Variants in MCTP2 observed in about 807,000 individuals in gnomAD.
The protein encoded by MCTP2 is multiple C2 and transmembrane domain containing 2.
MCTP2 carries 132 observed loss-of-function variants against 111.6 expected under a neutral mutation model. The ratio of observed to expected loss-of-function variants is 1.18; its 90% CI spans 1.03 to 1.37. The LOEUF (loss-of-function observed/expected upper bound fraction) is 1.37. Ranked by LOEUF, MCTP2 falls within the 40% of genes most tolerant of loss-of-function variation. MCTP2 has a pLI of 0.00. For synonymous variants in MCTP2, 395 were observed against 387.7 expected, an observed-to-expected ratio of 1.02 and a Z score of -0.22; for missense variants, 1,183 against 1,067.9, an observed-to-expected ratio of 1.11 and a Z score of -1.50.
chr15:94,244,804 A>T (rs1292344925), intron 1 of MCTP2, among the ~76,000 whole-genome samples: 1 of 147,838 alleles, frequency 6.8e-6, no homozygotes, highest in Non-Finnish European at 1.5e-5. Flanking sequence ...GTATGTTTAT[A>T]TACGTATATG....
chr15:94,460,103 A>G (rs1484951182), intron 20 of MCTP2, among the ~76,000 whole-genome samples: 2 of 152,234 alleles, frequency 1.3e-5, no homozygotes, highest in Non-Finnish European at 2.9e-5. Context: ...TATTTCAATG[A>G]GGGAGAAACA....
intron 17 of MCTP2, among the ~76,000 whole-genome samples, chr15:94,432,020 A>G (rs116789324): frequency 0.023 from 3,566 of 152,254 alleles, 141 homozygotes; most frequent in African/African-American, 0.081. Context: ...AGTACTTTTC[A>G]GATGAACCAG....
rs532617593 is a variant in MCTP2 at position 94,244,339 on chromosome 15, C to T, written c.-66+12675C>T. On this transcript the variant is annotated intron_variant, in intron 1 of 22. Transcript: ENST00000357742. ...ATATGTATACACATGTATATATACACGTATACGTATACACATACATATGTA... is the reference window on the plus strand; with the variant it reads ...ATATGTATACACATGTATATATACATGTATACGTATACACATACATATGTA... Among the ~76,000 whole-genome samples the T allele has an allele frequency of 6.8e-5, 10 of 146,446 alleles. No individual in the cohort carries two copies. The South Asian group carries it at 8.5e-4, about 12-fold the overall frequency.
chr15:94,405,291 T>C (rs1213382539), intron 17 of MCTP2, among the ~76,000 whole-genome samples: 1 of 152,230 alleles, frequency 6.6e-6, no homozygotes. Flanking sequence ...TTCTAGACTC[T>C]AGCTCCAGGT....
chr15:94,430,578 A>C (rs1423129335), intron 17 of MCTP2, among the ~76,000 whole-genome samples: 1 of 3,972 alleles, frequency 2.5e-4, no homozygotes, highest in Admixed American at 3.2e-3. Context: ...CTAAAAATAC[A>C]AAAAAAAAAA....
chr15:94,345,920 TGTG>T (rs1034956038), intron 8 of MCTP2, among the ~76,000 whole-genome samples: 11 of 152,202 alleles, frequency 7.2e-5, no homozygotes, highest in East Asian at 3.9e-4. Flanking sequence ...GTTTCTGAAT[TGTG>T]GTGGTGGTGG....
intron 14 of MCTP2, among the ~76,000 whole-genome samples, chr15:94,390,082 A>ACGTG (rs1423674269): frequency 0.011 from 117 of 11,134 alleles, 4 homozygotes; most frequent in African/African-American, 0.022. Flanking sequence ...ATATATATAT[A>ACGTG]TATATATGTA....
At chr15:94,366,259 A>G (rs1567539250) in intron 10 of MCTP2, among the ~76,000 whole-genome samples, 3 of 152,218 alleles carry the variant, frequency 2.0e-5, no homozygotes, top group Admixed American at 2.0e-4. Context: ...TTTGTCTCCC[A>G]TAGAAATATT....
chr15:94,263,330 C>A (rs554471997), intron 1 of MCTP2, among the ~76,000 whole-genome samples: 3 of 152,280 alleles, frequency 2.0e-5, no homozygotes, highest in African/African-American at 7.2e-5. Context: ...ACTGAAATAG[C>A]AAACACTGGA....
At chr15:94,449,637 ATGT>A (rs1021005523) in intron 19 of MCTP2, among the ~76,000 whole-genome samples, 4 of 152,216 alleles carry the variant, frequency 2.6e-5, no homozygotes, top group African/African-American at 4.8e-5. Context: ...AAGGTTTGTA[ATGT>A]TGTTGTAGAT....
intron 10 of MCTP2, among the ~76,000 whole-genome samples, chr15:94,363,535 A>G (rs982277395): frequency 2.6e-5 from 4 of 152,150 alleles, no homozygotes; most frequent in Admixed American, 2.6e-4. Context: ...TCTCTCCGAA[A>G]ACCTTGATGG....
rs143514280 is a variant in MCTP2, at chr15:94,270,379, A to G, written c.-65-27822A>G. Among the ~76,000 whole-genome samples, 618 of 152,350 alleles carry G rather than the reference A, an allele frequency of 4.1e-3. 6 individuals are homozygous for G. Among genetic ancestry groups the G allele is most frequent in the African/African-American group, 0.014 (581 of 41,574 alleles). On this transcript the variant is annotated intron_variant, in intron 1 of 22. Transcript: ENST00000357742. ...GGATTTCTGATGATGTATGTAAAGC[A>G]GTGAACACAGGACCAGATGCTTAGT... is the stretch of plus-strand genomic sequence containing the variant.
In MCTP2 at chr15:94,475,230, G is replaced by A. The variant is rs181345897; in HGVS notation, c.2471-1466G>A. On this transcript the variant is annotated intron_variant, in intron 21 of 22. Transcript: ENST00000357742. ...TTTAGCTAGAAACGTGAAGCTTGCTGTGGGGGTAGAGGGAAAAAAGGCAGA... is the reference window on the plus strand; with the variant it reads ...TTTAGCTAGAAACGTGAAGCTTGCTATGGGGGTAGAGGGAAAAAAGGCAGA... Among the ~76,000 whole-genome samples, 6 of 152,174 alleles carry A rather than the reference G, an allele frequency of 3.9e-5. No homozygotes were observed. The East Asian group carries it at 9.6e-4, about 24-fold the overall frequency.
intron 4 of MCTP2, among the ~76,000 whole-genome samples, chr15:94,337,666 G>GGTGTGTGTGTGTGT (rs3068711): frequency 5.3e-5 from 8 of 150,790 alleles, no homozygotes; most frequent in African/African-American, 2.0e-4. Context: ...GCCCGAACAC[G>GGTGTGTGTGTGTGT]GTGTGTGTGT....
At chr15:94,325,059 C>A (rs1460388250) in intron 4 of MCTP2, among the ~76,000 whole-genome samples, 1 of 152,204 alleles carries the variant, frequency 6.6e-6, no homozygotes, top group Non-Finnish European at 1.5e-5. Context: ...CCACCATAAA[C>A]CCTGCTGTGC....
At chr15:94,439,376 G>A (rs764063664) in intron 17 of MCTP2, among the ~76,000 whole-genome samples, 6 of 151,036 alleles carry the variant, frequency 4.0e-5, no homozygotes, top group East Asian at 3.9e-4. Context: ...ACCTTATTTC[G>A]TCTTCTAGAC....
In MCTP2 at chr15:94,317,254, T is replaced by G. The variant is rs529078530; in HGVS notation, c.637+1617T>G. ...TTACATGTTTGATTCTCTGGAGCGGTTTGCTTATCATTTTATTTGTGTTTT... is the reference window on the plus strand; with the variant it reads ...TTACATGTTTGATTCTCTGGAGCGGGTTGCTTATCATTTTATTTGTGTTTT... On this transcript the variant is annotated intron_variant, in intron 4 of 22. Coordinates refer to ENST00000357742, the MANE Select transcript of MCTP2 (RefSeq NM_001385001.1). 7.0e-4 allele frequency among the ~76,000 whole-genome samples: 107 copies of G among 152,224 alleles called. 2 individuals carry two copies. Among genetic ancestry groups the G allele is most frequent in the South Asian group, 2.5e-3 (12 of 4,820 alleles).
At chr15:94,236,364 CTTTCTTTTT>C (rs1374540133) in intron 1 of MCTP2, among the ~76,000 whole-genome samples, 2 of 113,538 alleles carry the variant, frequency 1.8e-5, no homozygotes, top group Non-Finnish European at 3.6e-5. Context: ...TGATTCAATC[CTTTCTTTTT>C]TTTCTTTTTT....
At chr15:94,330,207 A>T (rs1264762366) in intron 4 of MCTP2, among the ~76,000 whole-genome samples, 4 of 152,158 alleles carry the variant, frequency 2.6e-5, no homozygotes, top group African/African-American at 9.7e-5. Context: ...CTTTTGTAGG[A>T]TTAAAGGAGA....
Sources: allele counts gnomAD v4.1 joint callset (sites outside exome capture counted in the v4.1 genomes callset), GRCh38; gene constraint gnomAD v4.1.1; transcripts MANE v1.5; gene names NCBI Gene and HGNC (gene_info 2026-07-23, HGNC 2026-07-21).